The following PLCB1 variants were observed in gnomAD, a reference collection of about 807,000 sequenced individuals.
PLCB1 encodes the protein 1-phosphatidylinositol 4,5-bisphosphate phosphodiesterase beta-1.
A neutral mutation model predicts 161.8 loss-of-function variants in PLCB1; 46 were observed. That is an observed-to-expected ratio of 0.28 (90% CI 0.22 to 0.36). The LOEUF (loss-of-function observed/expected upper bound fraction) is 0.36. Ranked by LOEUF, PLCB1 falls within the 10% of genes least tolerant of loss-of-function variation. The pLI is 1.00. For synonymous variants in PLCB1, 517 were observed against 503.7 expected (o/e 1.03, Z -0.35); for missense variants, 1,016 against 1,472.5 (o/e 0.69, Z 5.07).
At chr20:8,539,140 A>G (rs1360420102) in intron 3 of PLCB1, among the ~76,000 whole-genome samples, 1 of 152,142 alleles carries the variant, frequency 6.6e-6, no homozygotes, top group Non-Finnish European at 1.5e-5. Context: ...AAATATTTTC[A>G]TCGTGCCCTT....
intron 31 of PLCB1, among the ~76,000 whole-genome samples, chr20:8,799,901 T>C (rs754131486): frequency 2.0e-5 from 3 of 152,224 alleles, no homozygotes; most frequent in Non-Finnish European, 4.4e-5. Flanking sequence ...TTATACTGTA[T>C]TGTTTAGGGA....
At chr20:8,658,168 A>T (rs550738989) in intron 8 of PLCB1, among the ~76,000 whole-genome samples, 1 of 152,298 alleles carries the variant, frequency 6.6e-6, no homozygotes, top group South Asian at 2.1e-4. Context: ...TCTTTAAATG[A>T]TTACAGATAT....
At chr20:8,444,803 T>C (rs535094734) in intron 3 of PLCB1, among the ~76,000 whole-genome samples, 2 of 152,352 alleles carry the variant, frequency 1.3e-5, no homozygotes, top group African/African-American at 4.8e-5. Context: ...TGGCCAGTGA[T>C]GATGAGCATT....
chr20:8,207,205 A>G (rs1186131563), intron 2 of PLCB1, among the ~76,000 whole-genome samples: 1 of 152,208 alleles, frequency 6.6e-6, no homozygotes, highest in Non-Finnish European at 1.5e-5. Flanking sequence ...AAAAACTCTA[A>G]TTATATTGAA....
At chr20:8,173,089 C>A (rs185871421) in intron 2 of PLCB1, among the ~76,000 whole-genome samples, 16 of 152,270 alleles carry the variant, frequency 1.1e-4, no homozygotes, top group Admixed American at 9.8e-4. Context: ...GGACTTCTCC[C>A]TCTACCAAGA....
At chr20:8,170,762 T>C (rs1277806362) in intron 2 of PLCB1, among the ~76,000 whole-genome samples, 1 of 152,178 alleles carries the variant, frequency 6.6e-6, no homozygotes, top group African/African-American at 2.4e-5. Flanking sequence ...TCTATGAGGC[T>C]GAGCCATATG....
At position 8,604,077 on chromosome 20, in the gene PLCB1, ACT is replaced by A. The variant is rs1329914770; in HGVS notation, c.247-24214_247-24213del. On this transcript the variant is annotated intron_variant, in intron 3 of 31. Transcript: ENST00000338037. ...AGATCAACCTGGCCAACATGGCGAA[ACT>A]CTGTCTCTATTGAAAACACAAAAAT... Among the ~76,000 whole-genome samples, 5 of 151,944 alleles carry A rather than the reference ACT, an allele frequency of 3.3e-5. No individual in the cohort carries two copies. In the East Asian group the frequency reaches 7.7e-4, roughly 24 times the overall value.
At chr20:8,146,566 C>T (rs1048738857) in intron 1 of PLCB1, among the ~76,000 whole-genome samples, 5 of 152,126 alleles carry the variant, frequency 3.3e-5, no homozygotes, top group East Asian at 1.9e-4. Context: ...TTTGTCATTT[C>T]GTCTCAGTTT....
chr20:8,781,823 T>A (rs1189198036), intron 27 of PLCB1, among the ~76,000 whole-genome samples: 3 of 152,142 alleles, frequency 2.0e-5, no homozygotes, highest in Non-Finnish European at 4.4e-5. Context: ...TACTATTAGA[T>A]CTTGTGAGAC....
At chr20:8,741,318 G>C (rs1980867831) in intron 22 of PLCB1, 146 bp from the exon 23 acceptor site, 1 of 601,242 alleles carries the variant, frequency 1.7e-6, no homozygotes, top group Non-Finnish European at 3.0e-6. Context: ...ATAATGACTG[G>C]GTGGATGGAT....
chr20:8,729,236 T>G (rs1980101167), intron 18 of PLCB1, 62 bp downstream of exon 18: 1 of 1,407,282 alleles, frequency 7.1e-7, no homozygotes, highest in South Asian at 1.8e-5. Flanking sequence ...CAAAAACCAT[T>G]CTTACATAAT....
chr20:8,722,632 C>A (rs1303857822), intron 15 of PLCB1, among the ~76,000 whole-genome samples: 1 of 152,262 alleles, frequency 6.6e-6, no homozygotes, highest in South Asian at 2.1e-4. Flanking sequence ...AGAACTGTGA[C>A]ATTCATTGCA....
At chr20:8,487,565 C>G (rs1982781527) in intron 3 of PLCB1, among the ~76,000 whole-genome samples, 1 of 152,176 alleles carries the variant, frequency 6.6e-6, no homozygotes, top group Admixed American at 6.5e-5. Flanking sequence ...TAGCTGTCCT[C>G]TACTTCTCCT....
intron 2 of PLCB1, among the ~76,000 whole-genome samples, chr20:8,305,037 T>A (rs372683895): frequency 6.6e-6 from 1 of 152,252 alleles, no homozygotes; most frequent in South Asian, 2.1e-4. Context: ...GATTAGTTGG[T>A]CTGATTAATC....
chr20:8,255,935 T>G lies in PLCB1; in HGVS notation c.177+105564T>G, dbSNP rs1337415297. The stretch of plus-strand genomic sequence containing the variant: ...ATTTTTCCTGTACCTTTTATATGTT[T>G]ACATATACAAATACTTTCCATTGTT... On this transcript the variant is annotated intron_variant, in intron 2 of 31. Coordinates refer to ENST00000338037, the MANE Select transcript of PLCB1 (RefSeq NM_015192.4). Among the ~76,000 whole-genome samples the G allele has an allele frequency of 2.6e-5, 4 of 152,120 alleles. No individual in the cohort carries two copies. The East Asian group carries it at 7.7e-4, about 29-fold the overall frequency.
intron 2 of PLCB1, among the ~76,000 whole-genome samples, chr20:8,225,062 A>C (rs1226629105): frequency 3.3e-5 from 5 of 152,158 alleles, no homozygotes; most frequent in African/African-American, 1.2e-4. Flanking sequence ...CTTTGATCTA[A>C]ACACCGTCTT....
At chr20:8,674,939 T>C (rs1990038038) in intron 9 of PLCB1, among the ~76,000 whole-genome samples, 1 of 152,196 alleles carries the variant, frequency 6.6e-6, no homozygotes, top group Non-Finnish European at 1.5e-5. Context: ...AACACATGAT[T>C]TATTTTATCA....
At chr20:8,347,971 C>CAA (rs539087327) in intron 2 of PLCB1, among the ~76,000 whole-genome samples, 222 of 148,260 alleles carry the variant, frequency 1.5e-3, no homozygotes, top group African/African-American at 5.2e-3. Flanking sequence ...GACTCCATCT[C>CAA]AAAAAAAAGA....
intron 3 of PLCB1, among the ~76,000 whole-genome samples, chr20:8,624,980 G>A (rs1237752894): frequency 5.3e-5 from 8 of 152,076 alleles, no homozygotes; most frequent in Non-Finnish European, 8.8e-5. Flanking sequence ...AACTTCTTAG[G>A]AAGTTGAGTC....
Sources: gnomAD v4.1 joint callset for allele counts (sites outside exome capture counted in the v4.1 genomes callset) on GRCh38, gnomAD v4.1.1 for gene constraint, MANE v1.5 for transcripts, NCBI Gene and HGNC (gene_info 2026-07-23, HGNC 2026-07-21) for gene names.